C3orf52: variants seen among roughly 807,000 people sequenced by gnomAD.
C3orf52 encodes the protein TPA-induced transmembrane protein.
Under a neutral mutation model 24.8 loss-of-function variants are expected in C3orf52, and 22 were observed. The observed-to-expected ratio is 0.89, with a 90% CI of 0.63 to 1.27. The LOEUF is 1.27. C3orf52 is among the 50% of genes most tolerant of loss of function. The pLI is 0.00. For missense variants in C3orf52, 265 were observed against 260.7 expected, an observed-to-expected ratio of 1.02 and a Z score of -0.11; for synonymous variants, 93 against 100.2, an observed-to-expected ratio of 0.93 and a Z score of 0.43.
intron 2 of C3orf52, among the ~76,000 whole-genome samples, chr3:112,099,677 C>T (rs2107779737): frequency 6.6e-6 from 1 of 152,286 alleles, no homozygotes; most frequent in East Asian, 1.9e-4. Context: ...TCATAAGGTG[C>T]ATAGTAGAAT....
At chr3:112,102,425 C>G (rs1168445551) in intron 2 of C3orf52, among the ~76,000 whole-genome samples, 1 of 148,346 alleles carries the variant, frequency 6.7e-6, no homozygotes, top group Non-Finnish European at 1.5e-5. Flanking sequence ...AATTCATTGA[C>G]CTGAACAATT....
chr3:112,094,562 G>A (rs1273308902), intron 2 of C3orf52, among the ~76,000 whole-genome samples: 1 of 152,176 alleles, frequency 6.6e-6, no homozygotes, highest in Admixed American at 6.5e-5. Context: ...TTATAGTCTT[G>A]TGGACTACCT....
chr3:112,110,632 C>T (rs1021656547), intron 4 of C3orf52, among the ~76,000 whole-genome samples: 27 of 152,212 alleles, frequency 1.8e-4, no homozygotes, highest in African/African-American at 6.3e-4. Context: ...GTGTAGAGTC[C>T]ATTTATTATC....
chr3:112,096,577 G>A (rs76802726), intron 2 of C3orf52, among the ~76,000 whole-genome samples: 5 of 152,196 alleles, frequency 3.3e-5, no homozygotes, highest in Non-Finnish European at 5.9e-5. Context: ...AGTTAATACA[G>A]TGAAATAATA....
intron 2 of C3orf52, among the ~76,000 whole-genome samples, chr3:112,099,497 A>G (rs1047652513): frequency 2.0e-5 from 3 of 152,190 alleles, no homozygotes; most frequent in African/African-American, 7.2e-5. Context: ...ATAAAATGTA[A>G]AGGATTTCGG....
At position 112,091,820 on chromosome 3, in the gene C3orf52, C is replaced by T. The variant is rs867141064; in HGVS notation, c.139-1540C>T. ...GAGATCGAGACCATCCTGGCTAACACAGTGAAACCCCGTCTCTACTAAATA... is the reference window on the plus strand; with the variant it reads ...GAGATCGAGACCATCCTGGCTAACATAGTGAAACCCCGTCTCTACTAAATA... On this transcript the variant is annotated intron_variant, in intron 1 of 5. Transcript: ENST00000264848. Among the ~76,000 whole-genome samples the T allele has an allele frequency of 2.5e-4, 38 of 151,920 alleles. 1 individual carries two copies. The highest frequency in any genetic ancestry group is 4.6e-4 in the Admixed American group (7 of 15,238).
rs745328826 is a variant in C3orf52 at position 112,128,183 on chromosome 3, C to G, written c.*47-50C>G. 20 of 806,382 alleles carry G rather than the reference C, an allele frequency of 2.5e-5. No individual in the cohort carries two copies. In the African/African-American group the frequency reaches 3.4e-4, roughly 14 times the overall value. The allele number at this position is 806,382 out of a possible 1,614,324, so 50.0% of individuals were successfully genotyped here. A position where few individuals can be genotyped will look rare whatever the true frequency, so the allele number is the denominator to read the frequency against. On this transcript the variant is annotated intron_variant, in intron 4 of 4. Transcript: ENST00000480282. Reference sequence around the variant, plus strand: ...TTTCTCCCCGCAAGCGTGTTTCATTCTAGATAACTTGGACACATCTCTCAT... The same window carrying G: ...TTTCTCCCCGCAAGCGTGTTTCATTGTAGATAACTTGGACACATCTCTCAT...
intron 5 of C3orf52, among the ~76,000 whole-genome samples, 171 bp from the exon 6 acceptor site, chr3:112,116,471 C>T (rs9880147): frequency 0.02 from 3,092 of 151,438 alleles, 104 homozygotes; most frequent in African/African-American, 0.07. Context: ...GTATTCAGAG[C>T]GGTGTGTGTG....
intron 3 of C3orf52, among the ~76,000 whole-genome samples, chr3:112,108,862 A>G (rs911740020): frequency 2.0e-4 from 30 of 152,198 alleles, no homozygotes; most frequent in African/African-American, 7.0e-4. Context: ...GTATTAAGAA[A>G]GAGAGAGAGG....
chr3:112,100,388 C>T (rs973981770), intron 2 of C3orf52, among the ~76,000 whole-genome samples: 1 of 152,190 alleles, frequency 6.6e-6, no homozygotes, highest in East Asian at 1.9e-4. Flanking sequence ...ATAAGTATAG[C>T]CCAGATTATC....
chr3:112,107,560 A>G (rs907998158), intron 3 of C3orf52, among the ~76,000 whole-genome samples: 13 of 152,192 alleles, frequency 8.5e-5, no homozygotes, highest in African/African-American at 3.1e-4. Flanking sequence ...CTGTATATAT[A>G]TCAATTTCTT....
At chr3:112,114,753 G>T (rs1456306461) in intron 5 of C3orf52, among the ~76,000 whole-genome samples, 1 of 152,156 alleles carries the variant, frequency 6.6e-6, no homozygotes, top group Non-Finnish European at 1.5e-5. Flanking sequence ...ATGTGAAGAG[G>T]CCTGCGATGC....
chr3:112,116,028 G>A (rs1297131353), intron 5 of C3orf52, among the ~76,000 whole-genome samples: 1 of 152,156 alleles, frequency 6.6e-6, no homozygotes, highest in African/African-American at 2.4e-5. Flanking sequence ...ACTTGGTACT[G>A]TTCTCACATG....
intron 2 of C3orf52, among the ~76,000 whole-genome samples, 167 bp downstream of exon 2, chr3:112,093,656 T>G (rs941996538): frequency 6.6e-6 from 1 of 152,212 alleles, no homozygotes; most frequent in South Asian, 2.1e-4. Flanking sequence ...CTGATTCTTG[T>G]GTTTTTGTTT....
At chr3:112,101,428 TG>T (rs972668272) in intron 2 of C3orf52, among the ~76,000 whole-genome samples, 7 of 152,166 alleles carry the variant, frequency 4.6e-5, no homozygotes, top group African/African-American at 1.4e-4. Context: ...CACTGGGGCT[TG>T]GTCATATACG....
chr3:112,107,274 A>G (rs9822232), intron 3 of C3orf52, among the ~76,000 whole-genome samples: 1,953 of 152,320 alleles, frequency 0.013, 40 homozygotes, highest in African/African-American at 0.044. Context: ...CCTTTGCCAT[A>G]GGAAGCTCAA....
At chr3:112,103,002 A>G (rs1162763158) in intron 3 of C3orf52, 37 bp downstream of exon 3, 1 of 1,597,924 alleles carries the variant, frequency 6.3e-7, no homozygotes, top group Non-Finnish European at 8.5e-7. Flanking sequence ...GGAGTTCTTG[A>G]CATTAGAATA....
intron 3 of C3orf52, among the ~76,000 whole-genome samples, chr3:112,103,798 C>G (rs1426346185): frequency 1.3e-5 from 2 of 152,170 alleles, no homozygotes; most frequent in Non-Finnish European, 2.9e-5. Flanking sequence ...AAAGGATCTG[C>G]AAAGTAGTGT....
intron 4 of C3orf52, among the ~76,000 whole-genome samples, chr3:112,125,622 A>G (rs533316088): frequency 5.3e-5 from 8 of 152,320 alleles, no homozygotes; most frequent in African/African-American, 1.9e-4. Context: ...TGGGGAGACA[A>G]AGGAGAATCA....
Sources: allele counts gnomAD v4.1 joint callset (sites outside exome capture counted in the v4.1 genomes callset), GRCh38; gene constraint gnomAD v4.1.1; transcripts MANE v1.5; gene names NCBI Gene and HGNC (gene_info 2026-07-23, HGNC 2026-07-21).